The following TDG variants were observed in gnomAD, a reference collection of about 807,000 sequenced individuals.
TDG encodes the protein G/T mismatch-specific thymine DNA glycosylase.
Under a neutral mutation model 46.1 loss-of-function variants are expected in TDG, and 23 were observed. The ratio of observed to expected loss-of-function variants is 0.50; its 90% CI spans 0.36 to 0.71. The LOEUF (loss-of-function observed/expected upper bound fraction) is 0.71. Among genes scored for constraint, TDG ranks in the 30% least tolerant of loss-of-function variants. TDG has a pLI of 0.00. For missense variants in TDG, 304 were observed against 486.7 expected, an observed-to-expected ratio of 0.62 and a Z score of 3.53; for synonymous variants, 115 against 161.3, an observed-to-expected ratio of 0.71 and a Z score of 2.18.
At chr12:103,980,824 C>G (rs1250786995) in intron 3 of TDG, 69 bp from the exon 4 acceptor site, 3 of 1,410,658 alleles carry the variant, frequency 2.1e-6, no homozygotes, top group Non-Finnish European at 2.0e-6. Context: ...GTCCACCACT[C>G]CTCCATAGAA....
intron 1 of TDG, among the ~76,000 whole-genome samples, chr12:103,974,618 T>C (rs985122001): frequency 1.3e-5 from 2 of 152,148 alleles, no homozygotes; most frequent in African/African-American, 4.8e-5. Context: ...AGCTTCCTGT[T>C]CTCTTTCAAT....
intron 3 of TDG, chr12:103,980,449 C>T (rs1313214618): frequency 4.4e-6 from 1 of 225,190 alleles, no homozygotes. Flanking sequence ...TACATGGCAG[C>T]ACTAATTTTA....
chr12:103,985,841 AT>A, intron 9 of TDG, 113 bp downstream of exon 9: 1 of 1,224,404 alleles, frequency 8.2e-7, no homozygotes, highest in Non-Finnish European at 1.1e-6. Context: ...ATAATATGAA[AT>A]TTTATTTAGT....
At chr12:103,977,143 T>C in intron 2 of TDG, 83 bp downstream of exon 2, 2 of 1,531,630 alleles carry the variant, frequency 1.3e-6, no homozygotes, top group South Asian at 1.3e-5. Context: ...GAATTTTAGC[T>C]CTATTTTAGT....
intron 1 of TDG, among the ~76,000 whole-genome samples, chr12:103,970,117 A>G (rs1211318889): frequency 2.0e-5 from 3 of 152,160 alleles, no homozygotes; most frequent in African/African-American, 7.2e-5. Flanking sequence ...AGCCTTGTTC[A>G]TTATTTTGTA....
intron 1 of TDG, chr12:103,973,046 C>T: frequency 2.9e-6 from 2 of 701,236 alleles, no homozygotes; most frequent in African/African-American, 3.5e-5. Context: ...AGGTAGATTG[C>T]CTTCCTGACC....
chr12:103,966,693 T>C (rs917713525), intron 1 of TDG, among the ~76,000 whole-genome samples: 1 of 152,078 alleles, frequency 6.6e-6, no homozygotes, highest in African/African-American at 2.4e-5. Flanking sequence ...AAGCAGGAGA[T>C]TTAGGGACTT....
Position 103,984,733 on chromosome 12 carries a change from AATGTTGTGATT to A in TDG, c.793-15_793-5del, listed in dbSNP as rs1185159973. On this transcript the variant is annotated splice_polypyrimidine_tract_variant and splice_region_variant and intron_variant, in intron 7 of 9. Transcript: ENST00000392872. Reference sequence around the variant, plus strand: ...AATTATAAGATTTCTGAAATTATAAAATGTTGTGATTCTAGCTCTGCTATGTTATGCCATCA... The same window carrying A: ...AATTATAAGATTTCTGAAATTATAAACTAGCTCTGCTATGTTATGCCATCA... The A allele has an allele frequency of 3.4e-5, 33 of 961,202 alleles. No individual in the cohort carries two copies. Among genetic ancestry groups the A allele is most frequent in the Admixed American group, 2.0e-4 (5 of 24,912 alleles). The allele number at this position is 961,202 out of a possible 1,614,324, so 59.5% of individuals were successfully genotyped here. A position where few individuals can be genotyped will look rare whatever the true frequency, so the allele number is the denominator to read the frequency against.
chr12:103,980,963 G>A lies in TDG; in HGVS notation c.478+1G>A. The A allele has an allele frequency of 6.2e-7, 1 of 1,611,508 alleles. No individual in the cohort carries two copies. Among genetic ancestry groups the A allele is most frequent in the Non-Finnish European group, 8.5e-7 (1 of 1,179,310 alleles). ...TACCCTGGACCTGGAAACCATTTTT[G>A]TAAGTGGTTACCTTTTAAATTAATT... On this transcript the variant is annotated splice_donor_variant, in intron 4 of 9. Coordinates refer to ENST00000392872, the MANE Select transcript of TDG (RefSeq NM_003211.6). LOFTEE classifies it high-confidence loss of function.
In TDG at chr12:103,983,116, ACTT is replaced by A; in HGVS notation, c.615-19_615-17del. On this transcript the variant is annotated splice_polypyrimidine_tract_variant and intron_variant, in intron 5 of 9. Coordinates refer to ENST00000392872, the MANE Select transcript of TDG (RefSeq NM_003211.6). ...TATTGTCATATTTATATTTTTGACT[ACTT>A]TTTAATTCAATTTTAGTAAAGAATT... is the stretch of plus-strand genomic sequence containing the variant. The A allele has an allele frequency of 3.8e-6, 6 of 1,563,454 alleles. No individual in the cohort carries two copies. The highest frequency in any genetic ancestry group is 5.2e-6 in the Non-Finnish European group (6 of 1,158,864).
At chr12:103,979,643 G>A (rs1246801920) in intron 2 of TDG, among the ~76,000 whole-genome samples, 188 bp from the exon 3 acceptor site, 1 of 152,100 alleles carries the variant, frequency 6.6e-6, no homozygotes, top group African/African-American at 2.4e-5. Flanking sequence ...GGCATGGGGG[G>A]TTGCACGAAC....
chr12:103,984,985 A>ATG (rs1872049065), intron 8 of TDG, 65 bp downstream of exon 8: 1 of 1,254,490 alleles, frequency 8.0e-7, no homozygotes. Flanking sequence ...ATATACTTAC[A>ATG]TATATATACA....
intron 1 of TDG, among the ~76,000 whole-genome samples, chr12:103,966,604 T>A (rs961545673): frequency 6.6e-6 from 1 of 152,068 alleles, no homozygotes; most frequent in African/African-American, 2.4e-5. Flanking sequence ...GACCTTTGAG[T>A]TTTCCAGTGG....
chr12:103,980,439 T>C (rs1871768640), intron 3 of TDG: 2 of 234,728 alleles, frequency 8.5e-6, no homozygotes, highest in South Asian at 8.2e-5. Context: ...GGAGACCTGA[T>C]ACATGGCAGC....
At chr12:103,967,788 A>T (rs1871112611) in intron 1 of TDG, 1 of 150,514 alleles carries the variant, frequency 6.6e-6, no homozygotes, top group Non-Finnish European at 1.5e-5. Context: ...TCAGATATTC[A>T]AAGAAGAAAA....
chr12:103,987,317 A>G lies in TDG; in HGVS notation c.*227A>G. 1 of 532,310 alleles carries G rather than the reference A, an allele frequency of 1.9e-6. No homozygotes were observed. The highest frequency in any genetic ancestry group is 2.9e-5 in the East Asian group (1 of 34,028). 33.0% of individuals were successfully genotyped at this position (532,310 alleles called of 1,614,324 possible). ...TTGTATTTGAATTAATTATCATTCCAGCTTTTTATATACTATATTTCATTT... is the reference window on the plus strand; with the variant it reads ...TTGTATTTGAATTAATTATCATTCCGGCTTTTTATATACTATATTTCATTT... On this transcript the variant is annotated 3_prime_UTR_variant, in exon 10 of 10. Transcript: ENST00000392872.
intron 8 of TDG, 126 bp downstream of exon 8, chr12:103,985,046 C>A: frequency 3.3e-6 from 2 of 600,174 alleles, no homozygotes; most frequent in Non-Finnish European, 2.4e-6. Flanking sequence ...CATATATGCA[C>A]ACGTGTATAT....
At chr12:103,976,034 G>A (rs1871520858) in intron 1 of TDG, among the ~76,000 whole-genome samples, 1 of 150,752 alleles carries the variant, frequency 6.6e-6, no homozygotes, top group African/African-American at 2.4e-5. Flanking sequence ...GAACTTTGGG[G>A]GACACATTCA....
At chr12:103,973,508 T>A (rs1871373421) in intron 1 of TDG, among the ~76,000 whole-genome samples, 1 of 152,224 alleles carries the variant, frequency 6.6e-6, no homozygotes, top group African/African-American at 2.4e-5. Flanking sequence ...AGTCAGAACT[T>A]GCAGTTTCTT....
Sources: gnomAD v4.1 joint callset for allele counts (sites outside exome capture counted in the v4.1 genomes callset) on GRCh38, gnomAD v4.1.1 for gene constraint, MANE v1.5 for transcripts, NCBI Gene and HGNC (gene_info 2026-07-23, HGNC 2026-07-21) for gene names.